The following PFKFB3 variants were observed in gnomAD, a reference collection of about 807,000 sequenced individuals.
PFKFB3 encodes 6-phosphofructo-2-kinase/fructose-2,6-biphosphatase 3.
A neutral mutation model predicts 68.0 loss-of-function variants in PFKFB3; 33 were observed. That is an observed-to-expected ratio of 0.49 (90% CI 0.37 to 0.65). The LOEUF is 0.65. Among genes scored for constraint, PFKFB3 ranks in the 30% least tolerant of loss-of-function variants. PFKFB3 has a pLI of 0.00. For missense variants in PFKFB3, 586 were observed against 712.2 expected, an observed-to-expected ratio of 0.82 and a Z score of 2.02; for synonymous variants, 315 against 288.2, an observed-to-expected ratio of 1.09 and a Z score of -0.94.
At chr10:6,205,538 G>T (rs889701014) in intron 1 of PFKFB3, among the ~76,000 whole-genome samples, 1 of 151,758 alleles carries the variant, frequency 6.6e-6, no homozygotes, top group South Asian at 2.1e-4. Context: ...GATTACAGGC[G>T]CACGCCGCCA....
rs921707285 is a variant in PFKFB3 at position 6,234,713 on chromosome 10, G to A, written c.*1771G>A. 1 of 152,276 alleles carries A rather than the reference G, an allele frequency of 6.6e-6. No individual in the cohort carries two copies. Among genetic ancestry groups the A allele is most frequent in the African/African-American group, 2.4e-5 (1 of 41,416 alleles). 9.4% of individuals were successfully genotyped at this position (152,276 alleles called of 1,614,324 possible). On this transcript the variant is annotated 3_prime_UTR_variant, in exon 15 of 15. Coordinates refer to ENST00000379775, the MANE Select transcript of PFKFB3 (RefSeq NM_004566.4). The stretch of plus-strand genomic sequence containing the variant: ...TTGTATTTTTCGATTTGACATGGAA[G>A]GCCTGTTGCTTTGCTCTTGAGAATA...
intron 1 of PFKFB3, among the ~76,000 whole-genome samples, chr10:6,184,747 C>G: frequency 6.8e-6 from 1 of 147,718 alleles, no homozygotes; most frequent in East Asian, 2.0e-4. Context: ...GCTGGAATTA[C>G]AGGTGTGAGT....
intron 14 of PFKFB3, among the ~76,000 whole-genome samples, chr10:6,248,613 A>G (rs1477851134): frequency 8.4e-6 from 1 of 119,172 alleles, no homozygotes; most frequent in African/African-American, 3.1e-5. Flanking sequence ...TGGGCAACAG[A>G]GGAAGACTCC....
chr10:6,194,667 T>A (rs753285378), intron 1 of PFKFB3, among the ~76,000 whole-genome samples: 2 of 152,172 alleles, frequency 1.3e-5, no homozygotes, highest in Non-Finnish European at 2.9e-5. Flanking sequence ...AGGTCTAAGC[T>A]GAGGATCCCA....
chr10:6,226,055 C>T (rs1387185337), intron 13 of PFKFB3, 137 bp from the exon 14 acceptor site: 1 of 717,192 alleles, frequency 1.4e-6, no homozygotes, highest in Non-Finnish European at 2.3e-6. Flanking sequence ...GGTCCCTGGC[C>T]CGTGGTCCCG....
intron 1 of PFKFB3, among the ~76,000 whole-genome samples, chr10:6,170,708 T>G (rs1199970386): frequency 6.6e-6 from 1 of 151,074 alleles, no homozygotes; most frequent in African/African-American, 2.4e-5. Context: ...GGACAGGGTA[T>G]GGAGGTGGAG....
chr10:6,204,838 T>C (rs1843580416), intron 1 of PFKFB3, among the ~76,000 whole-genome samples: 1 of 152,262 alleles, frequency 6.6e-6, no homozygotes, highest in African/African-American at 2.4e-5. Context: ...GTAAACTGCA[T>C]TGGAGGCTAG....
At chr10:6,268,085 A>G in the PFKFB3 span, among the ~76,000 whole-genome samples, 2 of 151,476 alleles carry the variant, frequency 1.3e-5, no homozygotes, top group East Asian at 3.9e-4. Context: ...GCTGCTTTTC[A>G]AGGATTTTCC....
intron 14 of PFKFB3, among the ~76,000 whole-genome samples, chr10:6,251,237 A>G (rs1846374654): frequency 6.6e-6 from 1 of 152,170 alleles, no homozygotes. Flanking sequence ...TATCTCATTG[A>G]ATCTTCAAAA....
At chr10:6,290,997 T>G in the PFKFB3 span, among the ~76,000 whole-genome samples, 1 of 152,232 alleles carries the variant, frequency 6.6e-6, no homozygotes, top group Non-Finnish European at 1.5e-5. Context: ...ACATGTTTGT[T>G]GCATACATGA....
At chr10:6,254,518 C>T in exon 15 of PFKFB3, 1 of 396,872 alleles carries the variant, frequency 2.5e-6, no homozygotes, top group Non-Finnish European at 4.4e-6. Flanking sequence ...GTTTATGACA[C>T]TTCCACTTTA....
chr10:6,146,280 C>T (rs894899135), intron 1 of PFKFB3: 3 of 1,487,092 alleles, frequency 2.0e-6, no homozygotes, highest in South Asian at 2.6e-5. Flanking sequence ...GAGGCTGTAC[C>T]GGACTTGTTT....
rs540358290 is a variant in PFKFB3, at chr10:6,154,274, C to T, written c.16+9261C>T. The stretch of plus-strand genomic sequence containing the variant: ...TTTTTTTTTTTTTTTGAGGCAGGGT[C>T]CCACTCTGTTGGCCAGGCTGGAGTG... On this transcript the variant is annotated intron_variant, in intron 1 of 14. Coordinates refer to the PFKFB3 transcript ENST00000379789. This position sits in a 1 kb window ranked among gnomAD's most constrained non-coding sequence, Gnocchi z 4.6. 6.7e-5 allele frequency among the ~76,000 whole-genome samples: 10 copies of T among 149,538 alleles called. No individual in the cohort carries two copies. The South Asian group carries it at 2.1e-3, about 32-fold the overall frequency.
chr10:6,302,390 TTTTTTTTTTG>T, the PFKFB3 span, among the ~76,000 whole-genome samples: 1 of 98,262 alleles, frequency 1.0e-5, no homozygotes, highest in Non-Finnish European at 2.1e-5. Flanking sequence ...TTTTTTTTTT[TTTTTTTTTTG>T]AGACGGAGTC....
At chr10:6,208,481 G>T (rs1843946070) in intron 1 of PFKFB3, among the ~76,000 whole-genome samples, 1 of 149,372 alleles carries the variant, frequency 6.7e-6, no homozygotes. Context: ...CTGAAGAAAG[G>T]TTGATGTGGC....
At chr10:6,285,183 C>T in the PFKFB3 span, among the ~76,000 whole-genome samples, 1 of 151,314 alleles carries the variant, frequency 6.6e-6, no homozygotes, top group African/African-American at 2.4e-5. Context: ...GCAGCAGTAC[C>T]ATTTTCATTT....
At chr10:6,185,320 A>T (rs1588439448) in intron 1 of PFKFB3, among the ~76,000 whole-genome samples, 1 of 152,088 alleles carries the variant, frequency 6.6e-6, no homozygotes, top group Non-Finnish European at 1.5e-5. Flanking sequence ...AGCTGGTTCC[A>T]CTCATCCGCT....
intron 1 of PFKFB3, 105 bp downstream of exon 1, chr10:6,203,441 TGCGGGTCGCGCCGGCGGG>T (rs1221035836): frequency 3.1e-6 from 2 of 645,196 alleles, no homozygotes; most frequent in Non-Finnish European, 4.3e-6. Flanking sequence ...GGCGCGCCCG[TGCGGGTCGCGCCGGCGGG>T]GCGGGGCGGA....
downstream of PFKFB3, among the ~76,000 whole-genome samples, chr10:6,256,290 G>A (rs952245825): frequency 4.6e-5 from 7 of 152,174 alleles, no homozygotes; most frequent in Admixed American, 1.3e-4. Flanking sequence ...GACTAAGCAG[G>A]ATTTTGTTTT....
Sources: allele counts gnomAD v4.1 joint callset (sites outside exome capture counted in the v4.1 genomes callset), GRCh38; gene constraint gnomAD v4.1.1; non-coding constraint Gnocchi (gnomAD v3.1); transcripts MANE v1.5; gene names NCBI Gene and HGNC (gene_info 2026-07-23, HGNC 2026-07-21).